STK39: variants seen among roughly 807,000 people sequenced by gnomAD.
The protein encoded by STK39 is serine/threonine kinase 39, also known as STE20/SPS1-related proline-alanine-rich protein kinase.
A neutral mutation model predicts 77.8 loss-of-function variants in STK39; 20 were observed. The ratio of observed to expected loss-of-function variants is 0.26; its 90% CI spans 0.18 to 0.37. The LOEUF is 0.37. Ranked by LOEUF, STK39 falls within the 10% of genes least tolerant of loss-of-function variation. STK39 has a pLI of 1.00. For missense variants in STK39, 479 were observed against 656.5 expected (o/e 0.73, Z 2.95); for synonymous variants, 246 against 234.1 (o/e 1.05, Z -0.47).
In STK39 at chr2:168,138,115, A is replaced by T; in HGVS notation, c.947T>A (p.Leu316Gln). ...TTTGGAAGGATCTTTCTGAAGACAC[A>T]GTGAAAGTAATTTTCTAAAGGACTT... ...YGKSFRKLLS[L>Q]CLQKDPSKRP... The change falls in exon 8 of 18, where the codon CTG (leucine) becomes CAG (glutamine). Residue 316 changes from leucine to glutamine, a missense_variant. Around this residue, in one of 3 missense-constraint regions of STK39, gnomAD observed 244 missense variants for 296.8 expected, o/e 0.82. Coordinates refer to ENST00000355999, the MANE Select transcript of STK39 (RefSeq NM_013233.3). 6.2e-7 allele frequency: 1 copy of T among 1,614,008 alleles called. No individual in the cohort carries two copies. The highest frequency in any genetic ancestry group is 8.5e-7 in the Non-Finnish European group (1 of 1,179,908).
chr2:168,043,053 A>C (rs1574415645), intron 14 of STK39, among the ~76,000 whole-genome samples: 2 of 152,156 alleles, frequency 1.3e-5, no homozygotes, highest in Non-Finnish European at 2.9e-5. Context: ...ACCCACAGTT[A>C]AGAACTATTA....
At chr2:167,959,781 G>A (rs542091383) in intron 17 of STK39, among the ~76,000 whole-genome samples, 122 of 152,336 alleles carry the variant, frequency 8.0e-4, no homozygotes, top group African/African-American at 2.7e-3. Flanking sequence ...GTGAGTGACA[G>A]TGCCTGGCTC....
intron 16 of STK39, among the ~76,000 whole-genome samples, chr2:167,999,511 G>T (rs538918041): frequency 1.3e-5 from 2 of 152,080 alleles, no homozygotes; most frequent in East Asian, 3.9e-4. Context: ...GCCCAGGCTG[G>T]GGTGCAGTGG....
chr2:168,218,274 T>C (rs945522142), intron 1 of STK39, among the ~76,000 whole-genome samples: 4 of 152,200 alleles, frequency 2.6e-5, no homozygotes, highest in Admixed American at 1.3e-4. Context: ...CAGAGGTGAA[T>C]GTACAAATTA....
At chr2:168,096,510 T>C (rs192094990) in intron 10 of STK39, among the ~76,000 whole-genome samples, 3 of 152,218 alleles carry the variant, frequency 2.0e-5, no homozygotes, top group African/African-American at 4.8e-5. Flanking sequence ...TACTGAATTC[T>C]ACCCTGGAAA....
At chr2:168,216,750 C>T (rs1392782479) in intron 1 of STK39, among the ~76,000 whole-genome samples, 1 of 152,206 alleles carries the variant, frequency 6.6e-6, no homozygotes, top group Non-Finnish European at 1.5e-5. Context: ...AGGCTAATGC[C>T]ACCGCCACAC....
chr2:168,127,698 G>C (rs929014925), intron 10 of STK39, among the ~76,000 whole-genome samples: 1 of 152,056 alleles, frequency 6.6e-6, no homozygotes, highest in Non-Finnish European at 1.5e-5. Flanking sequence ...TTGCTCTTCT[G>C]GTTGTTTTTG....
At chr2:168,004,449 T>C (rs1426086920) in intron 16 of STK39, among the ~76,000 whole-genome samples, 3 of 152,122 alleles carry the variant, frequency 2.0e-5, no homozygotes, top group South Asian at 2.1e-4. Flanking sequence ...AAAGTGACTA[T>C]GGGCTGGGCG....
At chr2:168,202,827 G>A (rs1458200300) in intron 1 of STK39, among the ~76,000 whole-genome samples, 1 of 152,158 alleles carries the variant, frequency 6.6e-6, no homozygotes, top group African/African-American at 2.4e-5. Flanking sequence ...AGACGAAGCT[G>A]GGAGAGTATG....
intron 14 of STK39, among the ~76,000 whole-genome samples, chr2:168,036,785 C>T (rs973846357): frequency 6.6e-5 from 10 of 152,078 alleles, no homozygotes; most frequent in Admixed American, 4.6e-4. Flanking sequence ...TGAGGGTAGG[C>T]GCATGCTCCA....
At chr2:168,111,101 TA>T (rs1687110049) in intron 10 of STK39, among the ~76,000 whole-genome samples, 1 of 152,172 alleles carries the variant, frequency 6.6e-6, no homozygotes, top group South Asian at 2.1e-4. Flanking sequence ...ATATTTTTCT[TA>T]AAATTTATCC....
chr2:168,212,659 T>C (rs1426548750), intron 1 of STK39, among the ~76,000 whole-genome samples: 1 of 152,220 alleles, frequency 6.6e-6, no homozygotes, highest in Non-Finnish European at 1.5e-5. Context: ...AATGTGTTCA[T>C]AGCATAGCCC....
Position 168,147,977 on chromosome 2 carries a change from C to G in STK39, c.629-7219G>C, listed in dbSNP as rs75413134. Among the ~76,000 whole-genome samples, 277 of 152,290 alleles carry G rather than the reference C, an allele frequency of 1.8e-3. 1 individual carries two copies. The highest frequency in any genetic ancestry group is 6.4e-3 in the African/African-American group (265 of 41,566). On this transcript the variant is annotated intron_variant, in intron 5 of 17. Coordinates refer to ENST00000355999, the MANE Select transcript of STK39 (RefSeq NM_013233.3). ...CATCCAGATTAATCTTCCTAAAGTG[C>G]AGTTTCTGATCATAGCACTCTCTGG...
At chr2:168,158,313 A>G (rs1282980851) in intron 5 of STK39, among the ~76,000 whole-genome samples, 2 of 152,194 alleles carry the variant, frequency 1.3e-5, no homozygotes, top group Non-Finnish European at 2.9e-5. Context: ...CTAATTCACT[A>G]CATCAAACCT....
chr2:168,208,475 T>A (rs550397520), intron 1 of STK39, among the ~76,000 whole-genome samples: 1 of 152,192 alleles, frequency 6.6e-6, no homozygotes, highest in Non-Finnish European at 1.5e-5. Context: ...TAAAGATACA[T>A]GCAGAGACAC....
rs183350147 is a variant in STK39, at chr2:168,055,287, C to T, written c.1376+8213G>A. 2.1e-3 allele frequency among the ~76,000 whole-genome samples: 318 copies of T among 152,332 alleles called. 4 individuals are homozygous for T. The highest frequency in any genetic ancestry group is 7.4e-3 in the African/African-American group (308 of 41,580). The stretch of plus-strand genomic sequence containing the variant: ...GATGGAATTAGAATTCTGGCATACT[C>T]ATGCTAAAACAATGGCCAACATCGT... On this transcript the variant is annotated intron_variant, in intron 14 of 17. Transcript: ENST00000355999.
intron 1 of STK39, among the ~76,000 whole-genome samples, chr2:168,198,363 T>C (rs1689527274): frequency 6.6e-6 from 1 of 152,204 alleles, no homozygotes; most frequent in East Asian, 1.9e-4. Flanking sequence ...AGCACTTGAA[T>C]TCTCCTTTAT....
intron 14 of STK39, among the ~76,000 whole-genome samples, chr2:168,028,709 C>T (rs1340606934): frequency 6.6e-6 from 1 of 152,074 alleles, no homozygotes; most frequent in Non-Finnish European, 1.5e-5. Flanking sequence ...ATTATTTGTG[C>T]CTTTAAGTTT....
chr2:168,070,648 A>C (rs1685916538), intron 12 of STK39, among the ~76,000 whole-genome samples: 1 of 133,852 alleles, frequency 7.5e-6, no homozygotes, highest in Non-Finnish European at 1.5e-5. Context: ...TCCTGTGTCC[A>C]AGTGTTCTCA....
Sources: gnomAD v4.1 joint callset for allele counts (sites outside exome capture counted in the v4.1 genomes callset) on GRCh38, gnomAD v4.1.1 for gene constraint, gnomAD v4.1.1 regional missense constraint, MANE v1.5 for transcripts, NCBI Gene and HGNC (gene_info 2026-07-23, HGNC 2026-07-21) for gene names.